INO80: variants seen among roughly 807,000 people sequenced by gnomAD.
INO80 encodes chromatin-remodeling ATPase INO80.
INO80 carries 20 observed loss-of-function variants against 203.4 expected under a neutral mutation model. That is an observed-to-expected ratio of 0.10 (90% CI 0.07 to 0.14). The LOEUF (loss-of-function observed/expected upper bound fraction) is 0.14, where lower values mean the gene tolerates loss of function less well. INO80 is among the 10% of genes least tolerant of loss of function. The probability of loss-of-function intolerance (pLI) is 1.00; values close to 1 mark genes in which losing one functional copy is unlikely to be tolerated. For missense variants in INO80, 1,419 were observed against 1,914.4 expected (o/e 0.74, Z 4.83); for synonymous variants, 726 against 685.2 (o/e 1.06, Z -0.93).
intron 24 of INO80, among the ~76,000 whole-genome samples, chr15:41,044,518 T>C (rs1596287111): frequency 6.6e-6 from 1 of 152,162 alleles, no homozygotes; most frequent in Non-Finnish European, 1.5e-5. Flanking sequence ...AAGTAGAATA[T>C]GGCAATTACC....
chr15:41,081,121 T>G (rs1324430357), intron 7 of INO80, 48 bp from the exon 8 acceptor site: 1 of 1,185,330 alleles, frequency 8.4e-7, no homozygotes, highest in Admixed American at 1.7e-5. Context: ...ATTTTTGAAC[T>G]AAGACTATGT....
intron 24 of INO80, among the ~76,000 whole-genome samples, chr15:41,038,637 A>G (rs1312410189): frequency 6.6e-6 from 1 of 152,160 alleles, no homozygotes; most frequent in South Asian, 2.1e-4. Flanking sequence ...TCCAGTGCCC[A>G]TCCATATCCA....
At chr15:41,074,590 A>G in intron 9 of INO80, 25 bp from the exon 10 acceptor site, 2 of 1,529,520 alleles carry the variant, frequency 1.3e-6, no homozygotes, top group Non-Finnish European at 1.8e-6. Context: ...AAGTGAAAAC[A>G]GAGCCAAATT....
chr15:41,038,494 C>A (rs570412731), intron 24 of INO80, among the ~76,000 whole-genome samples: 9 of 152,306 alleles, frequency 5.9e-5, no homozygotes, highest in African/African-American at 2.2e-4. Flanking sequence ...TCTGCCTTCT[C>A]TTTTTAATCT....
chr15:41,061,571 C>A (rs533935749), intron 14 of INO80, among the ~76,000 whole-genome samples: 1 of 151,146 alleles, frequency 6.6e-6, no homozygotes, highest in South Asian at 2.1e-4. Context: ...TGCAGTGAGC[C>A]GAGATCGTGC....
At position 41,096,353 on chromosome 15, in the gene INO80, G is replaced by A; in HGVS notation, c.-43C>T. ...ATGCACAAGGACCTCCGACTGCACG[G>A]CTGCAGAACAGAGATAAGAAGTGAA... On this transcript the variant is annotated splice_region_variant and 5_prime_UTR_variant, in exon 2 of 36. Coordinates refer to ENST00000648947, the MANE Select transcript of INO80 (RefSeq NM_017553.3). The A allele has an allele frequency of 8.6e-6, 13 of 1,519,134 alleles. No individual in the cohort carries two copies. The highest frequency in any genetic ancestry group is 1.3e-5 in the South Asian group (1 of 77,898). The allele number at this position is 1,519,134 out of a possible 1,614,324, so 94.1% of individuals were successfully genotyped here. A position where few individuals can be genotyped will look rare whatever the true frequency, so the allele number is the denominator to read the frequency against.
chr15:41,062,215 T>C (rs2045124340), intron 14 of INO80, among the ~76,000 whole-genome samples: 1 of 152,086 alleles, frequency 6.6e-6, no homozygotes. Context: ...TATACCGAAG[T>C]CTTTATATTA....
chr15:41,104,375 C>T (rs1229999895), intron 1 of INO80, among the ~76,000 whole-genome samples: 11 of 151,962 alleles, frequency 7.2e-5, no homozygotes, highest in African/African-American at 2.2e-4. Context: ...ATCCTGAATC[C>T]GAACTCTGAT....
At chr15:41,110,658 T>G (rs1283673599) in intron 1 of INO80, among the ~76,000 whole-genome samples, 1 of 152,190 alleles carries the variant, frequency 6.6e-6, no homozygotes, top group Non-Finnish European at 1.5e-5. Context: ...CTCAAACTCC[T>G]AGACTCAAGT....
chr15:41,034,755 T>C (rs2044544115), intron 24 of INO80, among the ~76,000 whole-genome samples: 1 of 152,214 alleles, frequency 6.6e-6, no homozygotes, highest in African/African-American at 2.4e-5. Flanking sequence ...TTCTCAGGTT[T>C]GTTGGCCGAA....
intron 1 of INO80, among the ~76,000 whole-genome samples, chr15:41,103,919 T>C (rs867624846): frequency 2.6e-5 from 4 of 151,950 alleles, no homozygotes; most frequent in Admixed American, 6.6e-5. Flanking sequence ...AGAGGCTCTT[T>C]AAAATTCATC....
At chr15:41,075,239 A>G (rs1438578786) in intron 9 of INO80, among the ~76,000 whole-genome samples, 3 of 150,822 alleles carry the variant, frequency 2.0e-5, no homozygotes, top group Non-Finnish European at 4.4e-5. Flanking sequence ...ATGTAGCTTT[A>G]TTATTTTTGA....
At position 40,979,845 on chromosome 15, in the gene INO80, C is replaced by T. The variant is rs1893749859; in HGVS notation, c.*378G>A. On this transcript the variant is annotated 3_prime_UTR_variant, in exon 36 of 36. Coordinates refer to ENST00000648947, the MANE Select transcript of INO80 (RefSeq NM_017553.3). ...CTACCATGGAAGGCTCTTCACAGCA[C>T]CTGCGGAGACTTTGCAAGGGACGTG... The T allele has an allele frequency of 3.8e-6, 1 of 260,048 alleles. No homozygotes were observed. Among genetic ancestry groups the T allele is most frequent in the Admixed American group, 4.9e-5 (1 of 20,280 alleles). 16.1% of individuals were successfully genotyped at this position (260,048 alleles called of 1,614,324 possible).
At chr15:41,012,601 TATAAA>T (rs1483849645) in intron 27 of INO80, among the ~76,000 whole-genome samples, 14 of 136,172 alleles carry the variant, frequency 1.0e-4, no homozygotes, top group African/African-American at 3.5e-4. Context: ...ATTCAGTAAA[TATAAA>T]ATAAACTCAT....
At chr15:41,059,768 G>A in intron 15 of INO80, 99 bp downstream of exon 15, 1 of 747,768 alleles carries the variant, frequency 1.3e-6, no homozygotes. Flanking sequence ...ATATATAATA[G>A]ATAAGAAGAT....
chr15:41,112,633 C>T (rs930318738), intron 1 of INO80, among the ~76,000 whole-genome samples: 2 of 151,392 alleles, frequency 1.3e-5, no homozygotes, highest in African/African-American at 4.9e-5. Context: ...ACTAAAAATA[C>T]AAAAATTAGC....
rs1369277611 is a variant in INO80, at chr15:41,050,083, C to T, written c.2294G>A (p.Cys765Tyr). ...CAGCTTCTGTCGGCTGGTCAGTTGG[C>T]AATACATTAGAATCTCAATCTAAAA... ...LSDKIEILMY[C>Y]QLTSRQKLLY... Residue 765 changes from cysteine to tyrosine, a missense_variant, in exon 20 of 36, where the codon TGC (cysteine) becomes TAC (tyrosine). By Grantham distance (194) the Cys-to-Tyr change is radical. This residue lies in a region of INO80 where 192 missense variants were observed against 406.7 expected (regional missense o/e 0.47). Coordinates refer to ENST00000648947, the MANE Select transcript of INO80 (RefSeq NM_017553.3). 1 of 1,611,006 alleles carries T rather than the reference C, an allele frequency of 6.2e-7. No individual in the cohort carries two copies. Among genetic ancestry groups the T allele is most frequent in the Non-Finnish European group, 8.5e-7 (1 of 1,178,200 alleles).
In INO80 at chr15:41,003,329, C is replaced by CTTTTTTTTTTTTT. The variant is rs771356698; in HGVS notation, c.3497+2263_3497+2264insAAAAAAAAAAAAA. On this transcript the variant is annotated intron_variant, in intron 28 of 35. Transcript: ENST00000648947. The stretch of plus-strand genomic sequence containing the variant: ...TGGGATTGTGGGTGATTTTTCTTTT[C>CTTTTTTTTTTTTT]TTTTCTTTTTTTTTTTTTTGAGATG... Among the ~76,000 whole-genome samples, 2 of 107,576 alleles carry CTTTTTTTTTTTTT rather than the reference C, an allele frequency of 1.9e-5. 1 individual carries two copies. The highest frequency in any genetic ancestry group is 3.7e-5 in the Non-Finnish European group (2 of 53,386). 70.6% of individuals were successfully genotyped at this position (107,576 alleles called of 152,430 possible). A position where few individuals can be genotyped will look rare whatever the true frequency, so the allele number is the denominator to read the frequency against.
At chr15:41,013,119 C>T (rs1028914529) in intron 27 of INO80, 1 of 130,652 alleles carries the variant, frequency 7.7e-6, no homozygotes, top group Non-Finnish European at 1.7e-5. Context: ...CAACAAAAAC[C>T]CAAAAAGGCT....
Sources: allele counts gnomAD v4.1 joint callset (sites outside exome capture counted in the v4.1 genomes callset), GRCh38; gene constraint gnomAD v4.1.1; regional missense constraint gnomAD v4.1.1; transcripts MANE v1.5; gene names NCBI Gene and HGNC (gene_info 2026-07-23, HGNC 2026-07-21).